Variants in PLXNA1 observed in about 807,000 individuals in gnomAD.
The protein encoded by PLXNA1 is plexin-A1.
A neutral mutation model predicts 191.7 loss-of-function variants in PLXNA1; 77 were observed. That is an observed-to-expected ratio of 0.40 (90% CI 0.33 to 0.49). The LOEUF (loss-of-function observed/expected upper bound fraction) is 0.49, where lower values mean the gene tolerates loss of function less well. Among genes scored for constraint, PLXNA1 ranks in the 20% least tolerant of loss-of-function variants. PLXNA1 has a pLI of 0.63. For missense variants in PLXNA1, 2,110 were observed against 2,660.2 expected, an observed-to-expected ratio of 0.79 and a Z score of 4.55; for synonymous variants, 1,137 against 1,156.4, an observed-to-expected ratio of 0.98 and a Z score of 0.34.
At chr3:127,015,116 G>T (rs1462675492) in intron 14 of PLXNA1, 68 bp from the exon 15 acceptor site, 3 of 1,553,776 alleles carry the variant, frequency 1.9e-6, no homozygotes, top group Admixed American at 3.7e-5. Flanking sequence ...CAGGCCAAGT[G>T]GGGCCTGTCC....
At chr3:126,989,904 T>G (rs1182239838) in intron 2 of PLXNA1, 117 bp downstream of exon 2, 1 of 915,146 alleles carries the variant, frequency 1.1e-6, no homozygotes, top group East Asian at 2.5e-5. Flanking sequence ...GCTTTTGGCT[T>G]GGCCATCCCC....
Position 127,017,659 on chromosome 3 carries a change from C to T in PLXNA1, c.3511C>T (p.Leu1171Phe), listed in dbSNP as rs2079131147. The stretch of plus-strand genomic sequence containing the variant: ...GCTGAAGCCCAGCTCCCCACTCATC[C>T]TCAAGGTGGGTCACCATTGCCCGTA... The part of the protein sequence containing the change: ...LELKPSSPLI[L>F]KGRNLLPPAP... Residue 1171 changes from leucine to phenylalanine, a missense_variant, in exon 18 of 32, where the codon CTC (leucine) becomes TTC (phenylalanine). Leu to Phe is a conservative substitution (Grantham distance 22, BLOSUM62 0). Transcript: ENST00000393409. 1.9e-6 allele frequency: 3 copies of T among 1,613,456 alleles called. No individual in the cohort carries two copies. The highest frequency in any genetic ancestry group is 2.5e-6 in the Non-Finnish European group (3 of 1,179,990).
At chr3:127,027,102 A>G (rs775012514) in intron 23 of PLXNA1, 5 of 166,716 alleles carry the variant, frequency 3.0e-5, no homozygotes, top group Non-Finnish European at 6.5e-5. Context: ...GGTCGGGGGT[A>G]CGTGTGCTGG....
At chr3:127,016,812 C>T in intron 16 of PLXNA1, 128 bp downstream of exon 16, 5 of 1,387,982 alleles carry the variant, frequency 3.6e-6, no homozygotes, top group Non-Finnish European at 5.0e-6. Context: ...GGAAGCACCC[C>T]TTGCCAAGAG....
At chr3:127,016,353 G>A (rs532016225) in intron 15 of PLXNA1, among the ~76,000 whole-genome samples, 164 bp from the exon 16 acceptor site, 2 of 152,276 alleles carry the variant, frequency 1.3e-5, no homozygotes, top group East Asian at 3.9e-4. Flanking sequence ...GGGTAGGACA[G>A]ACATGCACAG....
In PLXNA1 at chr3:127,015,250, G is replaced by A. The variant is rs2079117102; in HGVS notation, c.2944G>A (p.Glu982Lys). ...GTCAGGGGGCACCTGGATTGGCATC[G>A]AGGGAAGCCACCTGAACGCAGGCAG... ...PLSGGTWIGI[E>K]GSHLNAGSDV... is the part of the protein sequence containing the mutation. The change falls in exon 15 of 32, where the codon GAG becomes AAG. Residue 982 changes from glutamate (E) to lysine (K), a missense_variant. Physicochemically the swap from Glu to Lys is moderately conservative, Grantham distance 56 (BLOSUM62 1). Coordinates refer to ENST00000393409, the MANE Select transcript of PLXNA1 (RefSeq NM_032242.4). 2 of 1,613,334 alleles carry A rather than the reference G, an allele frequency of 1.2e-6. No homozygotes were observed. The highest frequency in any genetic ancestry group is 1.1e-5 in the South Asian group (1 of 91,068).
intron 19 of PLXNA1, 98 bp from the exon 20 acceptor site, chr3:127,018,196 A>C: frequency 1.8e-6 from 2 of 1,123,834 alleles, no homozygotes; most frequent in Non-Finnish European, 1.3e-6. Context: ...GACCTTTCCC[A>C]CAGGCAGGTG....
At chr3:127,008,529 G>A (rs1310242498) in intron 9 of PLXNA1, among the ~76,000 whole-genome samples, 1 of 152,210 alleles carries the variant, frequency 6.6e-6, no homozygotes, top group African/African-American at 2.4e-5. Flanking sequence ...GCAGGACCCA[G>A]GGCCCACAGG....
intron 23 of PLXNA1, chr3:127,026,586 TAATG>T (rs1422643382): frequency 1.3e-5 from 2 of 152,280 alleles, no homozygotes; most frequent in Non-Finnish European, 2.9e-5. Context: ...GTGGCTAACT[TAATG>T]AAACCAAGTT....
rs1187256369 is a variant in PLXNA1 at position 127,035,769 on chromosome 3, C to T, written c.*1752C>T. ...CAGGCCCAAGGAGAGGACTCGGCCCCATGGGGTGTGCCAGTCTTGCAGTCC... is the reference window on the plus strand; with the variant it reads ...CAGGCCCAAGGAGAGGACTCGGCCCTATGGGGTGTGCCAGTCTTGCAGTCC... On this transcript the variant is annotated 3_prime_UTR_variant, in exon 32 of 32. Coordinates refer to ENST00000393409, the MANE Select transcript of PLXNA1 (RefSeq NM_032242.4). 4 of 152,410 alleles carry T rather than the reference C, an allele frequency of 2.6e-5. No individual in the cohort carries two copies. Among genetic ancestry groups the T allele is most frequent in the Non-Finnish European group, 5.9e-5 (4 of 68,046 alleles). 9.4% of individuals were successfully genotyped at this position (152,410 alleles called of 1,614,324 possible).
intron 23 of PLXNA1, among the ~76,000 whole-genome samples, chr3:127,025,298 CA>C: frequency 6.6e-6 from 1 of 152,340 alleles, no homozygotes; most frequent in South Asian, 2.1e-4. Flanking sequence ...TTCCAGATGT[CA>C]TGTAGTGGAA....
rs200969949 is a variant in PLXNA1, at chr3:127,011,984, G to A, written c.2139G>A (p.Thr713=). The change falls in exon 10 of 32, where the codon ACG becomes ACA. Residue 713 remains threonine (T), a synonymous_variant. Transcript: ENST00000393409. ...ACTGCCCACAGATCCTGCCCTCCAC[G>A]CAGATCTACGTGCCAGTGGGAGTGG... is the stretch of plus-strand genomic sequence containing the variant. ...SEDCPQILPS[T]QIYVPVGVVK... is the part of the protein sequence containing the mutation. 55 of 1,613,522 alleles carry A rather than the reference G, an allele frequency of 3.4e-5. No homozygotes were observed. The Admixed American group carries it at 4.7e-4, about 14-fold the overall frequency.
chr3:127,004,767 TG>T, intron 5 of PLXNA1, 56 bp downstream of exon 5: 1 of 1,589,124 alleles, frequency 6.3e-7, no homozygotes, highest in South Asian at 1.1e-5. Context: ...GGTCTCACAG[TG>T]GGGGAGGGGG....
chr3:127,007,407 GTT>G (rs2107628470), intron 8 of PLXNA1, among the ~76,000 whole-genome samples: 1 of 152,342 alleles, frequency 6.6e-6, no homozygotes, highest in Admixed American at 6.5e-5. Flanking sequence ...TTAAATCTAA[GTT>G]TGCCAAAAGG....
At chr3:126,987,236 C>T (rs1406810597) in intron 1 of PLXNA1, among the ~76,000 whole-genome samples, 2 of 152,232 alleles carry the variant, frequency 1.3e-5, no homozygotes, top group Non-Finnish European at 2.9e-5. Flanking sequence ...TACAGAGTAA[C>T]AGGGTCTAGA....
At chr3:127,005,662 T>C (rs2079064103) in intron 7 of PLXNA1, among the ~76,000 whole-genome samples, 1 of 144,298 alleles carries the variant, frequency 6.9e-6, no homozygotes, top group Admixed American at 7.1e-5. Flanking sequence ...AGGGACCACA[T>C]GGCGGAGACC....
At chr3:127,000,793 G>A (rs2079036480) in intron 3 of PLXNA1, among the ~76,000 whole-genome samples, 2 of 152,220 alleles carry the variant, frequency 1.3e-5, no homozygotes, top group African/African-American at 4.8e-5. Flanking sequence ...CAGGGGCCCT[G>A]CTGAGTCTGG....
At chr3:126,999,210 GC>G in intron 3 of PLXNA1, among the ~76,000 whole-genome samples, 1 of 152,330 alleles carries the variant, frequency 6.6e-6, no homozygotes, top group Middle Eastern at 3.4e-3. Flanking sequence ...TGCCCCTCGG[GC>G]AGCCCTTCCT....
In PLXNA1 at chr3:127,016,935, C is replaced by A; in HGVS notation, c.3183-9C>A. On this transcript the variant is annotated splice_polypyrimidine_tract_variant and intron_variant, in intron 16 of 31. Coordinates refer to ENST00000393409, the MANE Select transcript of PLXNA1 (RefSeq NM_032242.4). ...ATTTGGTGACCCCCCCACCCCTGTCCTGTTCCAGCGGTGGGACCCTCCTGA... is the reference window on the plus strand; with the variant it reads ...ATTTGGTGACCCCCCCACCCCTGTCATGTTCCAGCGGTGGGACCCTCCTGA... The A allele has an allele frequency of 6.2e-7, 1 of 1,609,162 alleles. No homozygotes were observed. The highest frequency in any genetic ancestry group is 8.5e-7 in the Non-Finnish European group (1 of 1,176,674).
Sources: gnomAD v4.1 joint callset for allele counts (sites outside exome capture counted in the v4.1 genomes callset) on GRCh38, gnomAD v4.1.1 for gene constraint, MANE v1.5 for transcripts, NCBI Gene and HGNC (gene_info 2026-07-23, HGNC 2026-07-21) for gene names.